Variants in TFEC observed in about 807,000 individuals in gnomAD.
TFEC encodes the protein class E basic helix-loop-helix protein 34.
Under a neutral mutation model 41.6 loss-of-function variants are expected in TFEC, and 31 were observed. The ratio of observed to expected loss-of-function variants is 0.74; its 90% CI spans 0.56 to 1.01. The LOEUF (loss-of-function observed/expected upper bound fraction) is 1.01. TFEC is among the 50% of genes least tolerant of loss of function. The probability of loss-of-function intolerance (pLI) is 0.00; values close to 1 mark genes in which losing one functional copy is unlikely to be tolerated. For missense variants in TFEC, 402 were observed against 404.1 expected (o/e 0.99, Z 0.04); for synonymous variants, 143 against 140.6 (o/e 1.02, Z -0.12).
At chr7:116,098,640 A>G (rs1797527485) in intron 3 of TFEC, among the ~76,000 whole-genome samples, 1 of 152,186 alleles carries the variant, frequency 6.6e-6, no homozygotes, top group African/African-American at 2.4e-5. Context: ...AATACCCTAT[A>G]ACTGTTAAAG....
chr7:116,021,627 C>A (rs1439526296), intron 1 of TFEC, among the ~76,000 whole-genome samples: 1 of 152,198 alleles, frequency 6.6e-6, no homozygotes, highest in Non-Finnish European at 1.5e-5. Flanking sequence ...GGTATACAGA[C>A]ACCCACGTCC....
At chr7:116,127,244 C>T (rs1024360564) in intron 1 of TFEC, among the ~76,000 whole-genome samples, 3 of 151,914 alleles carry the variant, frequency 2.0e-5, no homozygotes, top group African/African-American at 4.8e-5. Context: ...TACAGGCACC[C>T]GCCACCACGC....
intron 3 of TFEC, among the ~76,000 whole-genome samples, chr7:116,055,395 A>G (rs1334343466): frequency 6.6e-6 from 1 of 152,078 alleles, no homozygotes; most frequent in Admixed American, 6.5e-5. Flanking sequence ...AAATCATGAA[A>G]GATAGGAATA....
At chr7:116,109,353 C>G (rs1188646181) in intron 3 of TFEC, among the ~76,000 whole-genome samples, 1 of 152,066 alleles carries the variant, frequency 6.6e-6, no homozygotes, top group Non-Finnish European at 1.5e-5. Context: ...CCAGAATCTA[C>G]AAAGAACTCA....
At chr7:115,986,446 C>A (rs1212688015) in intron 1 of TFEC, among the ~76,000 whole-genome samples, 1 of 151,956 alleles carries the variant, frequency 6.6e-6, no homozygotes, top group African/African-American at 2.4e-5. Flanking sequence ...AGTACAATAT[C>A]GGTTCCTGAG....
rs1446900554 is a variant in TFEC at position 116,147,406 on chromosome 7, T to C, written c.-69+12384A>G. Among the ~76,000 whole-genome samples, 4 of 152,228 alleles carry C rather than the reference T, an allele frequency of 2.6e-5. No homozygotes were observed. The East Asian group carries it at 7.7e-4, about 29-fold the overall frequency. On this transcript the variant is annotated intron_variant, in intron 1 of 8. Coordinates refer to the TFEC transcript ENST00000484212. ...TTGACTAATGGATGATTTATCTTTT[T>C]ATATTTTTTTTATTATACTTTAAGT...
chr7:116,158,024 T>C (rs1798903903), intron 1 of TFEC, among the ~76,000 whole-genome samples: 1 of 152,126 alleles, frequency 6.6e-6, no homozygotes, highest in African/African-American at 2.4e-5. Flanking sequence ...GGAGCCACAA[T>C]CTCCTTATTT....
chr7:116,126,668 A>G (rs2116264904), intron 1 of TFEC, among the ~76,000 whole-genome samples: 1 of 151,832 alleles, frequency 6.6e-6, no homozygotes, highest in African/African-American at 2.4e-5. Flanking sequence ...GGATAGAAAA[A>G]AGGACATATT....
intron 3 of TFEC, among the ~76,000 whole-genome samples, chr7:116,096,740 A>G (rs1797470574): frequency 6.6e-6 from 1 of 152,196 alleles, no homozygotes; most frequent in Non-Finnish European, 1.5e-5. Context: ...AGCAAATATT[A>G]CAATGCCTTC....
At chr7:116,021,251 G>A (rs1233054770) in intron 1 of TFEC, among the ~76,000 whole-genome samples, 7 of 152,116 alleles carry the variant, frequency 4.6e-5, no homozygotes, top group Non-Finnish European at 8.8e-5. Context: ...TTCTTAAAAA[G>A]CACTACCATT....
At chr7:116,043,134 T>C (rs1796079655) in intron 3 of TFEC, among the ~76,000 whole-genome samples, 1 of 152,124 alleles carries the variant, frequency 6.6e-6, no homozygotes, top group South Asian at 2.1e-4. Context: ...TTTATCAAAG[T>C]AGTGAGGGAA....
At chr7:116,032,751 T>G (rs573183123), upstream of TFEC, among the ~76,000 whole-genome samples, 1 of 152,042 alleles carries the variant, frequency 6.6e-6, no homozygotes, top group Non-Finnish European at 1.5e-5. Flanking sequence ...AATATCTGGG[T>G]GACAAAATAA....
chr7:116,112,135 C>G (rs1797869154), intron 1 of TFEC: 5 of 544,276 alleles, frequency 9.2e-6, no homozygotes, highest in Non-Finnish European at 9.4e-6. Context: ...AAGGCAAAAA[C>G]ATACATTGGA....
intron 3 of TFEC, among the ~76,000 whole-genome samples, chr7:116,045,657 G>A (rs1796145839): frequency 6.6e-6 from 1 of 152,244 alleles, no homozygotes; most frequent in South Asian, 2.1e-4. Context: ...AGTAAGAAAG[G>A]GAAATGCGGG....
intron 3 of TFEC, among the ~76,000 whole-genome samples, chr7:116,070,912 A>G (rs955068270): frequency 6.6e-6 from 1 of 151,354 alleles, no homozygotes; most frequent in African/African-American, 2.4e-5. Flanking sequence ...AAAAATAAGG[A>G]CCCAAAACCC....
At chr7:116,102,360 A>G (rs1797623729) in intron 3 of TFEC, among the ~76,000 whole-genome samples, 1 of 152,168 alleles carries the variant, frequency 6.6e-6, no homozygotes. Flanking sequence ...TTTGTTTGGA[A>G]AAAGGGTATC....
upstream of TFEC, among the ~76,000 whole-genome samples, chr7:116,032,846 A>G (rs757588721): frequency 6.6e-6 from 1 of 152,154 alleles, no homozygotes; most frequent in Non-Finnish European, 1.5e-5. Context: ...ATAGTTAAAA[A>G]TTTTTAAAAA....
chr7:116,152,950 T>A (rs994673994), intron 1 of TFEC, among the ~76,000 whole-genome samples: 9 of 152,054 alleles, frequency 5.9e-5, no homozygotes, highest in Non-Finnish European at 1.3e-4. Context: ...ACAGAGATAG[T>A]AAAAGCACAT....
intron 1 of TFEC, among the ~76,000 whole-genome samples, chr7:115,995,418 T>C (rs1020550739): frequency 1.1e-4 from 17 of 152,312 alleles, no homozygotes; most frequent in Admixed American, 1.1e-3. Context: ...TATATATGCT[T>C]ACGTATGCTT....
Sources: allele counts gnomAD v4.1 joint callset (sites outside exome capture counted in the v4.1 genomes callset), GRCh38; gene constraint gnomAD v4.1.1; transcripts MANE v1.5; gene names NCBI Gene and HGNC (gene_info 2026-07-23, HGNC 2026-07-21).